Variants in ETV3 observed in about 807,000 individuals in gnomAD.
ETV3 encodes ETS variant transcription factor 3.
ETV3 carries 8 observed loss-of-function variants against 33.0 expected under a neutral mutation model. The observed-to-expected ratio is 0.24, with a 90% CI of 0.14 to 0.44. The LOEUF is 0.44. Among genes scored for constraint, ETV3 ranks in the 20% least tolerant of loss-of-function variants. The pLI, the probability that ETV3 is intolerant of heterozygous loss-of-function variation, is 1.00. For synonymous variants in ETV3, 222 were observed against 238.9 expected, an observed-to-expected ratio of 0.93 and a Z score of 0.65; for missense variants, 473 against 652.3, an observed-to-expected ratio of 0.73 and a Z score of 2.99.
At chr1:157,137,474 G>A (rs890492512) in intron 1 of ETV3, among the ~76,000 whole-genome samples, 1 of 150,988 alleles carries the variant, frequency 6.6e-6, no homozygotes, top group Non-Finnish European at 1.5e-5. Context: ...CCGAGGACAA[G>A]ATAAACACCC....
Position 157,135,763 on chromosome 1 carries a change from C to T in ETV3, c.47-55G>A, listed in dbSNP as rs1571703109. The T allele has an allele frequency of 7.2e-6, 11 of 1,530,082 alleles. No homozygotes were observed. The East Asian group carries it at 2.3e-4, about 31-fold the overall frequency. 94.8% of individuals were successfully genotyped at this position (1,530,082 alleles called of 1,614,324 possible). A position where few individuals can be genotyped will look rare whatever the true frequency, so the allele number is the denominator to read the frequency against. ...AGTTAAGAGGTAGGTACATACATAC[C>T]AGCAACCCCAACTGCACATTCCACT... On this transcript the variant is annotated intron_variant, in intron 2 of 4. Transcript: ENST00000368192.
intron 4 of ETV3, among the ~76,000 whole-genome samples, chr1:157,126,550 A>G (rs1042042265): frequency 1.2e-4 from 19 of 152,274 alleles, no homozygotes; most frequent in African/African-American, 3.9e-4. Context: ...AACAACATAT[A>G]GATAGTTGCT....
rs1242157405 is a variant in ETV3, at chr1:157,132,763, T to A, written c.400+1349A>T. Among the ~76,000 whole-genome samples, 10 of 143,050 alleles carry A rather than the reference T, an allele frequency of 7.0e-5. No individual in the cohort carries two copies. In the South Asian group the frequency reaches 9.5e-4, roughly 14 times the overall value. 93.8% of individuals were successfully genotyped at this position (143,050 alleles called of 152,430 possible). The stretch of plus-strand genomic sequence containing the variant: ...CCAATACCACTTTTTTTTTTTTTTT[T>A]AAATGCATGCCCCAGGGACAGGAGG... On this transcript the variant is annotated intron_variant, in intron 4 of 4. Coordinates refer to ENST00000368192, the MANE Select transcript of ETV3 (RefSeq NM_001145312.3).
At chr1:157,137,954 T>C (rs1165567669) in intron 1 of ETV3, among the ~76,000 whole-genome samples, 2 of 152,200 alleles carry the variant, frequency 1.3e-5, no homozygotes, top group African/African-American at 4.8e-5. Flanking sequence ...GCCCTTCCTC[T>C]GATCGCGACC....
chr1:157,128,162 G>A (rs1242124979), intron 4 of ETV3, among the ~76,000 whole-genome samples: 1 of 152,164 alleles, frequency 6.6e-6, no homozygotes, highest in Non-Finnish European at 1.5e-5. Context: ...TCTGGAGTCT[G>A]CTGGTATTCG....
At chr1:157,136,033 T>C (rs1558032677) in intron 2 of ETV3, among the ~76,000 whole-genome samples, 1 of 152,196 alleles carries the variant, frequency 6.6e-6, no homozygotes, top group East Asian at 1.9e-4. Flanking sequence ...TAAACTAATG[T>C]TTCAGGAAAA....
Position 157,125,218 on chromosome 1 carries a change from T to C in ETV3, c.1162A>G (p.Lys388Glu). ...GACTGCCTGAGGCTCTCAGGATCCT[T>C]TTCAGAGGCAGGTTCCACCTTGATT... Reference protein sequence around the residue: ...PRIKVEPASEKDPESLRQSAR... With the variant: ...PRIKVEPASEEDPESLRQSAR... Residue 388 changes from lysine to glutamate, a missense_variant, in exon 5 of 5, where the codon AAG (lysine) becomes GAG (glutamate). Physicochemically the swap from Lys to Glu is moderately conservative, Grantham distance 56. Transcript: ENST00000368192. The surrounding 1 kb of genome is among the most constrained non-coding windows in gnomAD (Gnocchi z 4.0). 1 of 1,552,232 alleles carries C rather than the reference T, an allele frequency of 6.4e-7. No individual in the cohort carries two copies. The highest frequency in any genetic ancestry group is 8.7e-7 in the Non-Finnish European group (1 of 1,147,114).
In ETV3 at chr1:157,125,802, T is replaced by A; in HGVS notation, c.578A>T (p.Glu193Val). ...GTCAGCAGCTGAGCCATCCTCCAGC[T>A]CTGAAAGCTCAGTCTTTCTATCAGT... ...NGTDRKTELS[E>V]LEDGSAADWR... is the part of the protein sequence containing the mutation. Residue 193 changes from glutamate to valine, a missense_variant, in exon 5 of 5, where the codon GAG (glutamate) becomes GTG (valine). Glu to Val is a moderately radical substitution (Grantham distance 121). This residue lies in a region of ETV3 where 410 missense variants were observed against 520.2 expected (regional missense o/e 0.79). Transcript: ENST00000368192. This position sits in a 1 kb window ranked among gnomAD's most constrained non-coding sequence, Gnocchi z 4.0. 1 of 1,551,668 alleles carries A rather than the reference T, an allele frequency of 6.4e-7. No homozygotes were observed. The highest frequency in any genetic ancestry group is 8.7e-7 in the Non-Finnish European group (1 of 1,146,988).
rs1191350515 is a variant in ETV3 at position 157,136,309 on chromosome 1, C to T, written c.44G>A (p.Gly15Glu). 1.2e-6 allele frequency: 2 copies of T among 1,612,406 alleles called. No individual in the cohort carries two copies. The highest frequency in any genetic ancestry group is 2.2e-5 in the East Asian group (1 of 44,720). Residue 15 changes from glycine (G) to glutamate (E), a missense_variant and splice_region_variant, in exon 2 of 5, where the codon GGA becomes GAA. Gly to Glu is a moderately conservative substitution (Grantham distance 98). Transcript: ENST00000368192. Reference protein sequence around the residue: ...CSIVEKPEGGGGYQFPDWAYK... With the variant: ...CSIVEKPEGGEGYQFPDWAYK... Reference sequence around the variant, plus strand: ...AGAGATGATTAACTTCTGCTCACCTCCACCTCCTTCTGGCTTTTCCACGAT... The same window carrying T: ...AGAGATGATTAACTTCTGCTCACCTTCACCTCCTTCTGGCTTTTCCACGAT...
At chr1:157,131,020 T>C (rs943295550) in intron 4 of ETV3, among the ~76,000 whole-genome samples, 5 of 152,170 alleles carry the variant, frequency 3.3e-5, no homozygotes, top group Non-Finnish European at 5.9e-5. Flanking sequence ...AAAAAGTATA[T>C]ATAAATAGAA....
Position 157,138,366 on chromosome 1 carries a change from GGCT to G in ETV3, c.-67_-65del. On this transcript the variant is annotated 5_prime_UTR_variant, in exon 1 of 5. Coordinates refer to ENST00000368192, the MANE Select transcript of ETV3 (RefSeq NM_001145312.3). ...GTCCGGTCTCCTCCGCGGCGTCTCC[GGCT>G]CCTCCTCATCCACCCCAGCAGGAAG... 6.6e-6 allele frequency: 1 copy of G among 152,472 alleles called. No individual in the cohort carries two copies. The highest frequency in any genetic ancestry group is 2.1e-4 in the South Asian group (1 of 4,830). 9.4% of individuals were successfully genotyped at this position (152,472 alleles called of 1,614,324 possible). A position where few individuals can be genotyped will look rare whatever the true frequency, so the allele number is the denominator to read the frequency against.
intron 4 of ETV3, among the ~76,000 whole-genome samples, chr1:157,132,738 C>T (rs1295924523): frequency 1.4e-5 from 2 of 144,236 alleles, no homozygotes; most frequent in East Asian, 4.8e-4. Flanking sequence ...GAGATGCATT[C>T]CAATACCACT....
At position 157,125,162 on chromosome 1, in the gene ETV3, T is replaced by C; in HGVS notation, c.1218A>G (p.Glu406=). The C allele has an allele frequency of 6.4e-7, 1 of 1,551,990 alleles. No individual in the cohort carries two copies. The highest frequency in any genetic ancestry group is 8.7e-7 in the Non-Finnish European group (1 of 1,147,008). ...TGGTCCTGCTTGGCACAGTGCCCTC[T>C]TCTTGAGTGTGCTCCTCCTTCTCTC... is the stretch of plus-strand genomic sequence containing the variant. ...SAREKEEHTQ[E]EGTVPSRTIE... The change falls in exon 5 of 5, where the codon GAA becomes GAG. Residue 406 remains glutamate (E), a synonymous_variant. Transcript: ENST00000368192. The surrounding 1 kb of genome is among the most constrained non-coding windows in gnomAD (Gnocchi z 4.0).
chr1:157,127,036 G>A (rs1571697123), intron 4 of ETV3, among the ~76,000 whole-genome samples: 1 of 152,094 alleles, frequency 6.6e-6, no homozygotes, highest in Non-Finnish European at 1.5e-5. Flanking sequence ...TGTGGGGAGG[G>A]GCATAGCTGC....
intron 4 of ETV3, among the ~76,000 whole-genome samples, chr1:157,129,703 C>A (rs1674925640): frequency 6.6e-6 from 1 of 152,096 alleles, no homozygotes; most frequent in African/African-American, 2.4e-5. Context: ...CTTTTTGATT[C>A]TTTTGGATCT....
chr1:157,133,975 AC>A, intron 4 of ETV3, 136 bp downstream of exon 4: 1 of 1,460,634 alleles, frequency 6.8e-7, no homozygotes, highest in Middle Eastern at 2.5e-4. Flanking sequence ...TTGAGTAAGA[AC>A]ATTGAGGCAA....
chr1:157,138,076 G>A (rs558700218), intron 1 of ETV3, among the ~76,000 whole-genome samples: 2 of 152,278 alleles, frequency 1.3e-5, no homozygotes, highest in African/African-American at 4.8e-5. Context: ...CTCCCGGGCC[G>A]GGCTTCCCTT....
rs1216265230 is a variant in ETV3 at position 157,124,968 on chromosome 1, G to T, written c.1412C>A (p.Pro471His). 1 of 1,551,780 alleles carries T rather than the reference G, an allele frequency of 6.4e-7. No homozygotes were observed. Among genetic ancestry groups the T allele is most frequent in the East Asian group, 2.4e-5 (1 of 40,914 alleles). Residue 471 changes from proline (P) to histidine (H), a missense_variant, in exon 5 of 5, where the codon CCC becomes CAC. Pro to His is a moderately conservative substitution (Grantham distance 77, BLOSUM62 -2). Around this residue, in one of 3 missense-constraint regions of ETV3, gnomAD observed 410 missense variants for 520.2 expected, o/e 0.79. Transcript: ENST00000368192. ...GCGCCGCTTCAACCGAAGCTTGGGGGGCATCAGTGCATCTTCTTTCTTCTC... is the reference window on the plus strand; with the variant it reads ...GCGCCGCTTCAACCGAAGCTTGGGGTGCATCAGTGCATCTTCTTTCTTCTC... Reference protein sequence around the residue: ...APEKKEDALMPPKLRLKRRWN... With the variant: ...APEKKEDALMHPKLRLKRRWN...
At chr1:157,136,460 C>T (rs1044899284) in intron 1 of ETV3, 95 bp from the exon 2 acceptor site, 8 of 1,129,044 alleles carry the variant, frequency 7.1e-6, no homozygotes, top group African/African-American at 1.6e-5. Context: ...CTTCCTTTCC[C>T]CTGTTCTTCT....
Sources: gnomAD v4.1 joint callset for allele counts (sites outside exome capture counted in the v4.1 genomes callset) on GRCh38, gnomAD v4.1.1 for gene constraint, gnomAD v4.1.1 regional missense constraint, Gnocchi (gnomAD v3.1) non-coding constraint, MANE v1.5 for transcripts, NCBI Gene and HGNC (gene_info 2026-07-23, HGNC 2026-07-21) for gene names.